Variants in SVEP1 observed in about 807,000 individuals in gnomAD.
The protein encoded by SVEP1 is sushi, von Willebrand factor type A, EGF and pentraxin domain containing 1.
SVEP1 carries 164 observed loss-of-function variants against 367.3 expected under a neutral mutation model. That is an observed-to-expected ratio of 0.45 (90% CI 0.39 to 0.51). The LOEUF (loss-of-function observed/expected upper bound fraction) is 0.51. Among genes scored for constraint, SVEP1 ranks in the 20% least tolerant of loss-of-function variants. The pLI is 0.00. For synonymous variants in SVEP1, 1,666 were observed against 1,611.6 expected, an observed-to-expected ratio of 1.03 and a Z score of -0.81; for missense variants, 4,117 against 4,425.3, an observed-to-expected ratio of 0.93 and a Z score of 1.98.
intron 36 of SVEP1, among the ~76,000 whole-genome samples, chr9:110,414,594 T>G (rs1299783320): frequency 6.6e-6 from 1 of 151,980 alleles, no homozygotes; most frequent in African/African-American, 2.4e-5. Flanking sequence ...AAATTTGCAT[T>G]TTTCTGGAAT....
chr9:110,565,857 A>G (rs540776145), intron 1 of SVEP1, among the ~76,000 whole-genome samples: 16 of 151,978 alleles, frequency 1.1e-4, no homozygotes, highest in African/African-American at 3.4e-4. Flanking sequence ...ACTAGATCTG[A>G]CAACATGACA....
intron 22 of SVEP1, 31 bp from the exon 23 acceptor site, chr9:110,451,433 GA>G: frequency 6.3e-7 from 1 of 1,583,020 alleles, no homozygotes; most frequent in Non-Finnish European, 8.7e-7. Flanking sequence ...TTGAGCTGGA[GA>G]AAACTTGACA....
In SVEP1 at chr9:110,407,285, G is replaced by T; in HGVS notation, c.8315C>A (p.Ala2772Asp). ...KWSGASPRCEAISCKKPNPVM... is the reference protein window; with the variant it reads ...KWSGASPRCEDISCKKPNPVM... The stretch of plus-strand genomic sequence containing the variant: ...TGGATTTGGCTTTTTGCATGAAATG[G>T]CTTCACAGCGTGGGGAGGCACCACT... Residue 2772 changes from alanine to aspartate, a missense_variant, in exon 38 of 48, where the codon GCC becomes GAC. Ala to Asp is a moderately radical substitution (Grantham distance 126). Coordinates refer to ENST00000374469, the MANE Select transcript of SVEP1 (RefSeq NM_153366.4). 1.2e-6 allele frequency: 2 copies of T among 1,613,942 alleles called. No homozygotes were observed. Among genetic ancestry groups the T allele is most frequent in the Non-Finnish European group, 1.7e-6 (2 of 1,179,886 alleles).
intron 18 of SVEP1, among the ~76,000 whole-genome samples, chr9:110,460,251 G>A (rs1828836899): frequency 6.6e-6 from 1 of 151,940 alleles, no homozygotes; most frequent in Non-Finnish European, 1.5e-5. Context: ...ATCATCTTAT[G>A]GTCAGATAAT....
At chr9:110,389,442 A>C in intron 41 of SVEP1, 82 bp downstream of exon 41, 1 of 1,526,742 alleles carries the variant, frequency 6.5e-7, no homozygotes, top group Non-Finnish European at 8.9e-7. Context: ...TTACAAAACT[A>C]ACCTATAAAG....
intron 1 of SVEP1, among the ~76,000 whole-genome samples, chr9:110,571,689 C>G (rs965911774): frequency 6.6e-6 from 1 of 152,186 alleles, no homozygotes; most frequent in Non-Finnish European, 1.5e-5. Context: ...TTCATTCATT[C>G]TAGTTTACAT....
intron 24 of SVEP1, among the ~76,000 whole-genome samples, chr9:110,449,344 A>T (rs1245357978): frequency 6.7e-6 from 1 of 149,798 alleles, no homozygotes; most frequent in Non-Finnish European, 1.5e-5. Flanking sequence ...TTACTAAACT[A>T]AAAAAAAAAG....
chr9:110,546,330 C>T (rs1448499628), intron 2 of SVEP1, 39 bp from the exon 3 acceptor site: 1 of 1,546,636 alleles, frequency 6.5e-7, no homozygotes, highest in Non-Finnish European at 8.8e-7. Flanking sequence ...AAAAATGAGT[C>T]ACAGTTCAAT....
chr9:110,427,785 T>C (rs779288359), intron 35 of SVEP1, 27 bp from the exon 36 acceptor site: 2 of 1,594,032 alleles, frequency 1.3e-6, no homozygotes, highest in Non-Finnish European at 1.7e-6. Context: ...TGTTACTCTT[T>C]CATTGGCTAT....
Position 110,471,476 on chromosome 9 carries a change from C to T in SVEP1, c.2886G>A (p.Met962Ile), listed in dbSNP as rs371495042. 1 of 1,613,904 alleles carries T rather than the reference C, an allele frequency of 6.2e-7. No individual in the cohort carries two copies. ...TTTCTGATGCAAGCTGAAAGGAATA[C>T]ATGGGGTCTTTGTTGAGAGTCCTTT... ...KLKRTLNKDP[M>I]YSFQLASEIL... The change falls in exon 16 of 48, where the codon ATG becomes ATA. Residue 962 changes from methionine (M) to isoleucine (I), a missense_variant. Met to Ile is a conservative substitution (Grantham distance 10). Around this residue, in one of 4 missense-constraint regions of SVEP1, gnomAD observed 2,174 missense variants for 2,494.3 expected, o/e 0.87. Coordinates refer to ENST00000374469, the MANE Select transcript of SVEP1 (RefSeq NM_153366.4).
At chr9:110,491,256 C>T (rs1340743669) in intron 8 of SVEP1, among the ~76,000 whole-genome samples, 2 of 151,764 alleles carry the variant, frequency 1.3e-5, no homozygotes, top group East Asian at 3.9e-4. Flanking sequence ...CTTCTACTTT[C>T]CGTTACAGAA....
chr9:110,481,369 T>G lies in SVEP1; in HGVS notation c.2238A>C (p.Gly746=). The G allele has an allele frequency of 1.2e-6, 2 of 1,610,544 alleles. No homozygotes were observed. The highest frequency in any genetic ancestry group is 1.7e-6 in the Non-Finnish European group (2 of 1,178,274). The change falls in exon 12 of 48, where the codon GGA becomes GGC. Residue 746 remains glycine (G), a synonymous_variant. Transcript: ENST00000374469. ...GDFICTPDNT[G]VNCTLTCLEG... ...CCAAGCAAGTTAATGTACAGTTGAC[T>G]CCAGTATTATCTGGAGTGCATATAA...
intron 47 of SVEP1, among the ~76,000 whole-genome samples, chr9:110,368,674 CTG>C (rs1423963491): frequency 6.6e-6 from 1 of 152,052 alleles, no homozygotes; most frequent in African/African-American, 2.4e-5. Flanking sequence ...TTTTGAGTCA[CTG>C]TTTTTTCTCT....
chr9:110,369,599 T>C (rs1827247046), intron 47 of SVEP1: 2 of 197,590 alleles, frequency 1.0e-5, no homozygotes, highest in African/African-American at 2.3e-5. Flanking sequence ...GCAAAAACTG[T>C]GGAATGCTTC....
chr9:110,434,550 T>C (rs935906742), intron 29 of SVEP1, 44 bp from the exon 30 acceptor site: 66 of 1,579,164 alleles, frequency 4.2e-5, no homozygotes, highest in Non-Finnish European at 5.4e-5. Flanking sequence ...AGCGGCATAG[T>C]GGTAGCATCA....
rs372356648 is a variant in SVEP1, at chr9:110,411,423, A to G, written c.6288T>C (p.Ser2096=). The G allele has an allele frequency of 9.9e-5, 159 of 1,614,050 alleles. No individual in the cohort carries two copies. The Middle Eastern group carries it at 1.5e-3, about 15-fold the overall frequency. The change falls in exon 37 of 48, where the codon TCT becomes TCC. Residue 2096 remains serine (S), a synonymous_variant. Coordinates refer to ENST00000374469, the MANE Select transcript of SVEP1 (RefSeq NM_153366.4). ...CAGCTGCAAATTTTGCTTTGCTCAC[A>G]GATTCCAAGATGCTATAGGAAACCG... The part of the protein sequence containing the change: ...PPSVSYSILE[S]VSKAKFAAGS...
chr9:110,481,245 C>A lies in SVEP1; in HGVS notation c.2362G>T (p.Ala788Ser). The A allele has an allele frequency of 6.4e-7, 1 of 1,561,730 alleles. No individual in the cohort carries two copies. ...PTYTTEWPDCAKKRFANHGFK... is the reference protein window; with the variant it reads ...PTYTTEWPDCSKKRFANHGFK... ...CTAGAATAAAATTAAAACTTACTGG[C>A]ACAGTCTGGCCATTCAGTGGTATAT... is the stretch of plus-strand genomic sequence containing the variant. Residue 788 changes from alanine (A) to serine (S), a missense_variant, in exon 12 of 48, where the codon GCC (alanine) becomes TCC (serine). This residue lies in a region of SVEP1 where 2,174 missense variants were observed against 2,494.3 expected (regional missense o/e 0.87). Coordinates refer to ENST00000374469, the MANE Select transcript of SVEP1 (RefSeq NM_153366.4).
chr9:110,563,701 T>C (rs917663090), intron 1 of SVEP1, among the ~76,000 whole-genome samples: 3 of 152,184 alleles, frequency 2.0e-5, no homozygotes, highest in African/African-American at 2.4e-5. Context: ...TCAAGAGGGA[T>C]TGAAACCAGG....
chr9:110,504,897 C>G (rs1289404693), intron 5 of SVEP1, among the ~76,000 whole-genome samples: 2 of 152,098 alleles, frequency 1.3e-5, no homozygotes, highest in African/African-American at 4.8e-5. Context: ...CAAACGTGCT[C>G]GGGGTAGAGC....
Sources: allele counts gnomAD v4.1 joint callset (sites outside exome capture counted in the v4.1 genomes callset), GRCh38; gene constraint gnomAD v4.1.1; regional missense constraint gnomAD v4.1.1; transcripts MANE v1.5; gene names NCBI Gene and HGNC (gene_info 2026-07-23, HGNC 2026-07-21).